Variants in ST14 observed in about 807,000 individuals in gnomAD.
ST14 encodes ST14 transmembrane serine protease matriptase.
In ST14, 40 loss-of-function variants were observed where a neutral mutation model predicts 96.5. The observed-to-expected ratio is 0.41, with a 90% CI of 0.32 to 0.54. ST14 has a LOEUF of 0.54. Ranked by LOEUF, ST14 falls within the 20% of genes least tolerant of loss-of-function variation. ST14 has a pLI of 0.17. For missense variants in ST14, 1,066 were observed against 1,188.9 expected (o/e 0.90, Z 1.52); for synonymous variants, 506 against 492.1 (o/e 1.03, Z -0.37).
chr11:130,192,343 A>T (rs1953312973), intron 7 of ST14, among the ~76,000 whole-genome samples: 1 of 152,238 alleles, frequency 6.6e-6, no homozygotes, highest in South Asian at 2.1e-4. Context: ...GGCAAGCAAA[A>T]GGAAGACTAA....
rs753663946 is a variant in ST14 at position 130,188,093 on chromosome 11, G to A, written c.82-21G>A. 5.6e-6 allele frequency: 9 copies of A among 1,613,714 alleles called. No homozygotes were observed. The South Asian group carries it at 7.7e-5, about 14-fold the overall frequency. Reference sequence around the variant, plus strand: ...AAGAGCGGGTGAGAGGGTCTGAGTGGTGGCGCCTCTCTCCCTGCAGAAAGT... The same window carrying A: ...AAGAGCGGGTGAGAGGGTCTGAGTGATGGCGCCTCTCTCCCTGCAGAAAGT... On this transcript the variant is annotated intron_variant, in intron 1 of 18. Coordinates refer to ENST00000278742, the MANE Select transcript of ST14 (RefSeq NM_021978.4). This position sits in a 1 kb window ranked among gnomAD's most constrained non-coding sequence, Gnocchi z 5.4.
chr11:130,189,300 C>T (rs759650701), intron 4 of ST14: 17 of 455,924 alleles, frequency 3.7e-5, no homozygotes, highest in East Asian at 2.1e-4. Flanking sequence ...CAGTTTTTCA[C>T]GCATACTTTT....
intron 11 of ST14, among the ~76,000 whole-genome samples, chr11:130,197,542 C>T (rs925805371): frequency 1.4e-4 from 22 of 152,180 alleles, no homozygotes; most frequent in Non-Finnish European, 2.2e-4. Context: ...GCAGGGCCTG[C>T]GACCAGCTGG....
intron 7 of ST14, 42 bp downstream of exon 7, chr11:130,190,736 G>T (rs761976233): frequency 6.5e-7 from 1 of 1,534,404 alleles, no homozygotes; most frequent in Admixed American, 2.0e-5. Flanking sequence ...GGAGCTTGGC[G>T]GCTGCCCTGT....
At chr11:130,169,200 T>G (rs976320621) in intron 1 of ST14, among the ~76,000 whole-genome samples, 5 of 150,182 alleles carry the variant, frequency 3.3e-5, no homozygotes, top group Non-Finnish European at 7.4e-5. Context: ...GTTCAAGCGA[T>G]TCTCCTGCCT....
intron 16 of ST14, among the ~76,000 whole-genome samples, chr11:130,207,485 A>G (rs1382428564): frequency 2.0e-5 from 3 of 152,234 alleles, no homozygotes; most frequent in African/African-American, 7.2e-5. Flanking sequence ...TGGTAGGTGC[A>G]GGTTACAGTG....
intron 4 of ST14, 75 bp from the exon 5 acceptor site, chr11:130,189,664 T>A (rs1953273573): frequency 1.3e-6 from 2 of 1,588,804 alleles, no homozygotes; most frequent in Non-Finnish European, 1.7e-6. Flanking sequence ...CGCCCATGTG[T>A]CCTGGAGTCG....
intron 17 of ST14, 57 bp from the exon 18 acceptor site, chr11:130,209,385 G>C (rs777768085): frequency 3.2e-6 from 5 of 1,551,132 alleles, no homozygotes; most frequent in Non-Finnish European, 4.4e-6. Flanking sequence ...GGAGCGTCTC[G>C]AATGACGCTG....
intron 1 of ST14, among the ~76,000 whole-genome samples, chr11:130,183,451 T>C (rs1953212362): frequency 6.6e-6 from 1 of 151,696 alleles, no homozygotes; most frequent in Non-Finnish European, 1.5e-5. Flanking sequence ...GTGCACCCTG[T>C]AGTCCCAGCT....
intron 16 of ST14, among the ~76,000 whole-genome samples, chr11:130,203,976 G>A (rs537652879): frequency 5.9e-5 from 9 of 152,182 alleles, no homozygotes; most frequent in South Asian, 2.1e-4. Flanking sequence ...CTTTAAACAT[G>A]CGGCATTCTC....
At chr11:130,170,802 T>C (rs1363850921) in intron 1 of ST14, among the ~76,000 whole-genome samples, 1 of 152,110 alleles carries the variant, frequency 6.6e-6, no homozygotes. Flanking sequence ...GGGGCCCGTC[T>C]CTTGGGCCCA....
chr11:130,187,964 C>A lies in ST14; in HGVS notation c.82-150C>A. ...GGGTCTGCGCTCTGGGCAGTGGTCC[C>A]CATGCCTCTGGGGGAAGCCCCCTTC... is the stretch of plus-strand genomic sequence containing the variant. On this transcript the variant is annotated intron_variant, in intron 1 of 18. Transcript: ENST00000278742. The surrounding 1 kb of genome is among the most constrained non-coding windows in gnomAD (Gnocchi z 4.5). 9.0e-7 allele frequency: 1 copy of A among 1,110,958 alleles called. No homozygotes were observed. The highest frequency in any genetic ancestry group is 1.3e-6 in the Non-Finnish European group (1 of 774,168). The allele number at this position is 1,110,958 out of a possible 1,614,324, so 68.8% of individuals were successfully genotyped here. A position where few individuals can be genotyped will look rare whatever the true frequency, so the allele number is the denominator to read the frequency against.
intron 1 of ST14, among the ~76,000 whole-genome samples, chr11:130,185,809 C>CT (rs901784635): frequency 3.8e-4 from 56 of 149,072 alleles, no homozygotes; most frequent in East Asian, 2.1e-3. Flanking sequence ...AAAATTCTTT[C>CT]TTTTTTTTTT....
intron 1 of ST14, among the ~76,000 whole-genome samples, chr11:130,176,242 GTTA>G (rs1378798128): frequency 6.6e-6 from 1 of 152,002 alleles, no homozygotes; most frequent in Non-Finnish European, 1.5e-5. Context: ...TCTTTTTCTA[GTTA>G]TTATAGGTCT....
intron 8 of ST14, 123 bp from the exon 9 acceptor site, chr11:130,194,517 A>C: frequency 8.5e-7 from 1 of 1,183,112 alleles, no homozygotes; most frequent in Non-Finnish European, 1.2e-6. Flanking sequence ...CTGGCTGTGC[A>C]CCTGCTGTGC....
chr11:130,188,711 T>C lies in ST14; in HGVS notation c.369+54T>C. Reference sequence around the variant, plus strand: ...GGGCTGTGTGCGCTGGTGTCCCACCTGCTGGGCAGGAGGGACATGCCTCGC... The same window carrying C: ...GGGCTGTGTGCGCTGGTGTCCCACCCGCTGGGCAGGAGGGACATGCCTCGC... On this transcript the variant is annotated intron_variant, in intron 3 of 18. Transcript: ENST00000278742. This position sits in a 1 kb window ranked among gnomAD's most constrained non-coding sequence, Gnocchi z 5.4. 1.2e-6 allele frequency: 2 copies of C among 1,613,620 alleles called. No homozygotes were observed. The highest frequency in any genetic ancestry group is 1.1e-5 in the South Asian group (1 of 91,070).
rs976277055 is a variant in ST14, at chr11:130,181,889, C to T, written c.82-6225C>T. Among the ~76,000 whole-genome samples, 2 of 152,260 alleles carry T rather than the reference C, an allele frequency of 1.3e-5. No individual in the cohort carries two copies. Among genetic ancestry groups the T allele is most frequent in the Admixed American group, 1.3e-4 (2 of 15,288 alleles). ...GCTGGGTGGAGCCACAGAACTCACA[C>T]TGCAGGGAGGACAGAGGACCCACCA... On this transcript the variant is annotated intron_variant, in intron 1 of 18. Coordinates refer to ENST00000278742, the MANE Select transcript of ST14 (RefSeq NM_021978.4). This position sits in a 1 kb window ranked among gnomAD's most constrained non-coding sequence, Gnocchi z 4.1.
intron 1 of ST14, among the ~76,000 whole-genome samples, chr11:130,164,142 A>G (rs1953023711): frequency 1.3e-5 from 2 of 152,178 alleles, no homozygotes; most frequent in African/African-American, 4.8e-5. Context: ...AGGAAGGGAA[A>G]CGTGACAGAG....
intron 1 of ST14, among the ~76,000 whole-genome samples, chr11:130,163,676 G>C (rs1301191137): frequency 6.6e-6 from 1 of 152,212 alleles, no homozygotes; most frequent in East Asian, 1.9e-4. Flanking sequence ...CCTGTAGGTG[G>C]GGCTTCAGCT....
Sources: allele counts gnomAD v4.1 joint callset (sites outside exome capture counted in the v4.1 genomes callset), GRCh38; gene constraint gnomAD v4.1.1; non-coding constraint Gnocchi (gnomAD v3.1); transcripts MANE v1.5; gene names NCBI Gene and HGNC (gene_info 2026-07-23, HGNC 2026-07-21).